KDM4C: variants seen among roughly 807,000 people sequenced by gnomAD.
The protein encoded by KDM4C is lysine demethylase 4C.
KDM4C carries 81 observed loss-of-function variants against 129.3 expected under a neutral mutation model. The ratio of observed to expected loss-of-function variants is 0.63; its 90% confidence interval spans 0.52 to 0.75. The LOEUF is 0.75. Ranked by LOEUF, KDM4C falls within the 30% of genes least tolerant of loss-of-function variation. The pLI, the probability that KDM4C is intolerant of heterozygous loss-of-function variation, is 0.00. For synonymous variants in KDM4C, 573 were observed against 456.1 expected (o/e 1.26, Z -3.26); for missense variants, 1,457 against 1,304.0 (o/e 1.12, Z -1.81).
At chr9:7,070,114 A>T (rs1055754657) in intron 17 of KDM4C, among the ~76,000 whole-genome samples, 6 of 152,226 alleles carry the variant, frequency 3.9e-5, no homozygotes, top group African/African-American at 1.2e-4. Flanking sequence ...ACAGTTTGGA[A>T]ACCTAGGTGA....
rs563566244 is a variant in KDM4C at position 6,758,018 on chromosome 9, C to A, written c.-203C>A. 2 of 985,464 alleles carry A rather than the reference C, an allele frequency of 2.0e-6. No individual in the cohort carries two copies. The highest frequency in any genetic ancestry group is 2.4e-6 in the Non-Finnish European group (2 of 829,956). The allele number at this position is 985,464 out of a possible 1,614,324, so 61.0% of individuals were successfully genotyped here. On this transcript the variant is annotated 5_prime_UTR_variant, in exon 1 of 22. Transcript: ENST00000381309. The surrounding 1 kb of genome is among the most constrained non-coding windows in gnomAD (Gnocchi z 4.6). ...CTTCGCCGCTGCCTCCCACCCACCC[C>A]CTCGACGGGAGGGTGAGGCGCGGCG...
At chr9:6,930,965 C>T (rs1265942047) in intron 8 of KDM4C, among the ~76,000 whole-genome samples, 2 of 152,142 alleles carry the variant, frequency 1.3e-5, no homozygotes, top group Non-Finnish European at 2.9e-5. Context: ...TGTATGGGAT[C>T]CTCTGAGTAC....
rs998876103 is a variant in KDM4C at position 6,782,211 on chromosome 9, C to A, written c.-17-10761C>A. ...GATGACGTGTGTGGAGTGCCGAGAGCATTTAAAAAGGACGTTGTCAGTTGG... is the reference window on the plus strand; with the variant it reads ...GATGACGTGTGTGGAGTGCCGAGAGAATTTAAAAAGGACGTTGTCAGTTGG... On this transcript the variant is annotated intron_variant, in intron 1 of 21. Coordinates refer to ENST00000381309, the MANE Select transcript of KDM4C (RefSeq NM_015061.6). Among the ~76,000 whole-genome samples, 5 of 152,230 alleles carry A rather than the reference C, an allele frequency of 3.3e-5. No individual in the cohort carries two copies. In the East Asian group the frequency reaches 9.6e-4, roughly 29 times the overall value.
intron 8 of KDM4C, among the ~76,000 whole-genome samples, chr9:6,950,839 C>A (rs76523978): frequency 0.046 from 7,075 of 152,188 alleles, 254 homozygotes; most frequent in East Asian, 0.14. Context: ...TCTTTGACTG[C>A]TCTACCAAAA....
At chr9:7,033,381 CATTTG>C (rs1827110423) in intron 15 of KDM4C, among the ~76,000 whole-genome samples, 1 of 152,182 alleles carries the variant, frequency 6.6e-6, no homozygotes, top group African/African-American at 2.4e-5. Context: ...TCTCCTCTCT[CATTTG>C]AGGTAATAGA....
chr9:6,721,168 G>T, intron 1 of KDM4C: 1 of 496,272 alleles, frequency 2.0e-6, no homozygotes, highest in Non-Finnish European at 3.6e-6. Flanking sequence ...CAACATCCCA[G>T]GCTCAGGTGA....
At chr9:6,805,476 T>C (rs1829795690) in intron 2 of KDM4C, 123 bp from the exon 3 acceptor site, 3 of 624,900 alleles carry the variant, frequency 4.8e-6, no homozygotes, top group Non-Finnish European at 7.6e-6. Context: ...TTTTTTTTTT[T>C]TTTTACACAT....
chr9:6,863,344 A>C (rs1479770906), intron 5 of KDM4C, among the ~76,000 whole-genome samples: 1 of 152,152 alleles, frequency 6.6e-6, no homozygotes, highest in Non-Finnish European at 1.5e-5. Context: ...GGAATACCTG[A>C]GGCAGGGTAA....
chr9:6,942,051 G>A (rs3818894), intron 8 of KDM4C, among the ~76,000 whole-genome samples: 39,426 of 152,010 alleles, frequency 0.26, 5,557 homozygotes, highest in South Asian at 0.42. Context: ...TTTTAAAAAG[G>A]GTTCCAATAT....
At chr9:7,003,007 C>T (rs1249847157) in intron 12 of KDM4C, among the ~76,000 whole-genome samples, 3 of 152,206 alleles carry the variant, frequency 2.0e-5, no homozygotes, top group Non-Finnish European at 4.4e-5. Flanking sequence ...ACTGCAGGCG[C>T]CTGCCACCAT....
intron 1 of KDM4C, among the ~76,000 whole-genome samples, chr9:6,779,778 TG>T (rs1337775540): frequency 1.3e-5 from 2 of 152,188 alleles, no homozygotes; most frequent in African/African-American, 4.8e-5. Flanking sequence ...AAATATAAAC[TG>T]ATGACAATGG....
At chr9:6,857,886 C>G (rs897272147) in intron 5 of KDM4C, among the ~76,000 whole-genome samples, 4 of 147,656 alleles carry the variant, frequency 2.7e-5, no homozygotes, top group African/African-American at 1.0e-4. Flanking sequence ...TCCTGAGTAG[C>G]TAGGACTACA....
At chr9:6,963,966 C>T (rs1205282849) in intron 8 of KDM4C, among the ~76,000 whole-genome samples, 2 of 152,230 alleles carry the variant, frequency 1.3e-5, no homozygotes, top group African/African-American at 4.8e-5. Flanking sequence ...AAAGCAGCTT[C>T]ATTTGCAAGC....
chr9:6,889,766 G>C, intron 7 of KDM4C, among the ~76,000 whole-genome samples: 1 of 152,226 alleles, frequency 6.6e-6, no homozygotes, highest in Non-Finnish European at 1.5e-5. Context: ...CTGGTGTTAG[G>C]TGTTGGTGGT....
chr9:6,940,820 C>A (rs1445197468), intron 8 of KDM4C, among the ~76,000 whole-genome samples: 1 of 152,080 alleles, frequency 6.6e-6, no homozygotes, highest in Admixed American at 6.5e-5. Context: ...GGATAATGTA[C>A]CCTTGATTCT....
intron 1 of KDM4C, among the ~76,000 whole-genome samples, chr9:6,737,639 G>T (rs565432358): frequency 2.8e-4 from 40 of 142,080 alleles, no homozygotes; most frequent in African/African-American, 1.0e-3. Context: ...ATTCCAGCCT[G>T]GGGGACAAGA....
intron 12 of KDM4C, 24 bp downstream of exon 12, chr9:6,990,548 ATTTT>A (rs35634202): frequency 6.0e-3 from 6,960 of 1,164,346 alleles, no homozygotes; most frequent in South Asian, 7.5e-3. Context: ...CCTTTTTGGG[ATTTT>A]TTTTTTTTTT....
chr9:6,953,480 G>T (rs1828540384), intron 8 of KDM4C, among the ~76,000 whole-genome samples: 1 of 152,172 alleles, frequency 6.6e-6, no homozygotes, highest in Non-Finnish European at 1.5e-5. Flanking sequence ...CTTTCAAATT[G>T]CTCTGGAGGC....
chr9:7,040,018 T>C (rs1828288097), intron 15 of KDM4C, among the ~76,000 whole-genome samples: 1 of 152,130 alleles, frequency 6.6e-6, no homozygotes, highest in South Asian at 2.1e-4. Context: ...CTTATGTTTC[T>C]TAGAATTCAA....
Sources: allele counts gnomAD v4.1 joint callset (sites outside exome capture counted in the v4.1 genomes callset), GRCh38; gene constraint gnomAD v4.1.1; non-coding constraint Gnocchi (gnomAD v3.1); transcripts MANE v1.5; gene names NCBI Gene and HGNC (gene_info 2026-07-23, HGNC 2026-07-21).